Variants in KCTD8 observed in about 807,000 individuals in gnomAD.
The protein encoded by KCTD8 is BTB/POZ domain-containing protein KCTD8.
A neutral mutation model predicts 31.5 loss-of-function variants in KCTD8; 27 were observed. The ratio of observed to expected loss-of-function variants is 0.86; its 90% CI spans 0.63 to 1.18. The LOEUF (loss-of-function observed/expected upper bound fraction) is 1.18. Ranked by LOEUF, KCTD8 falls within the 50% of genes most tolerant of loss-of-function variation. The pLI is 0.00. For synonymous variants in KCTD8, 290 were observed against 280.0 expected (o/e 1.04, Z -0.36); for missense variants, 658 against 647.7 (o/e 1.02, Z -0.17).
At chr4:44,442,519 G>A (rs1000838321) in intron 1 of KCTD8, among the ~76,000 whole-genome samples, 4 of 152,146 alleles carry the variant, frequency 2.6e-5, no homozygotes, top group South Asian at 2.1e-4. Flanking sequence ...CCTGGGAGGC[G>A]GAGGTTGCAG....
chr4:44,382,623 AG>A (rs1720099122), intron 1 of KCTD8, among the ~76,000 whole-genome samples: 2 of 151,872 alleles, frequency 1.3e-5, no homozygotes, highest in East Asian at 3.9e-4. Context: ...CCAGCTACTC[AG>A]AAGGCTGAGG....
intron 1 of KCTD8, among the ~76,000 whole-genome samples, chr4:44,375,435 C>T (rs537646476): frequency 6.6e-6 from 1 of 152,190 alleles, no homozygotes; most frequent in South Asian, 2.1e-4. Flanking sequence ...AAACAACAGT[C>T]AATGAGTCAG....
chr4:44,244,459 C>A (rs1715594047), intron 1 of KCTD8, among the ~76,000 whole-genome samples: 1 of 152,136 alleles, frequency 6.6e-6, no homozygotes, highest in Non-Finnish European at 1.5e-5. Context: ...TAACATTCTC[C>A]TGCCCTCCTG....
At chr4:44,362,227 G>C (rs570430489) in intron 1 of KCTD8, among the ~76,000 whole-genome samples, 1 of 152,254 alleles carries the variant, frequency 6.6e-6, no homozygotes, top group South Asian at 2.1e-4. Flanking sequence ...CAGGTTGTCT[G>C]AGACCAAATT....
At chr4:44,248,896 A>T (rs992822618) in intron 1 of KCTD8, among the ~76,000 whole-genome samples, 5 of 151,858 alleles carry the variant, frequency 3.3e-5, no homozygotes, top group Non-Finnish European at 5.9e-5. Flanking sequence ...AGTGAGAAAT[A>T]ACAAAAACAA....
chr4:44,321,255 C>T (rs1335077369), intron 1 of KCTD8, among the ~76,000 whole-genome samples: 1 of 152,128 alleles, frequency 6.6e-6, no homozygotes, highest in Non-Finnish European at 1.5e-5. Context: ...TATTTTTGTG[C>T]ACTATTGTCC....
chr4:44,329,219 T>C (rs1040002163), intron 1 of KCTD8, among the ~76,000 whole-genome samples: 3 of 151,728 alleles, frequency 2.0e-5, no homozygotes, highest in Non-Finnish European at 2.9e-5. Flanking sequence ...TCTTGAAATC[T>C]GTTATATTTA....
intron 1 of KCTD8, among the ~76,000 whole-genome samples, chr4:44,274,922 C>A (rs1218345547): frequency 1.3e-5 from 2 of 151,854 alleles, no homozygotes; most frequent in Non-Finnish European, 2.9e-5. Flanking sequence ...ATTAATGCTG[C>A]TTTATCATTC....
intron 1 of KCTD8, among the ~76,000 whole-genome samples, chr4:44,299,753 T>G (rs1002398655): frequency 1.4e-5 from 2 of 145,654 alleles, no homozygotes; most frequent in South Asian, 2.2e-4. Context: ...GTGCCTTAGG[T>G]GATTTTTTTT....
intron 1 of KCTD8, among the ~76,000 whole-genome samples, chr4:44,265,272 C>G (rs1716310198): frequency 6.6e-6 from 1 of 152,114 alleles, no homozygotes; most frequent in Non-Finnish European, 1.5e-5. Flanking sequence ...TGCTGACACC[C>G]AGGCAAACAG....
chr4:44,307,815 T>C (rs1298607793), intron 1 of KCTD8, among the ~76,000 whole-genome samples: 1 of 151,922 alleles, frequency 6.6e-6, no homozygotes, highest in Admixed American at 6.6e-5. Flanking sequence ...TTCCGCAAAA[T>C]GCATGAATAG....
chr4:44,258,800 G>C (rs182328258), intron 1 of KCTD8, among the ~76,000 whole-genome samples: 1 of 151,902 alleles, frequency 6.6e-6, no homozygotes, highest in East Asian at 1.9e-4. Context: ...TAAAATGGGG[G>C]CTCTCAGGCT....
chr4:44,391,294 A>T (rs1329391301), intron 1 of KCTD8, among the ~76,000 whole-genome samples: 2 of 151,896 alleles, frequency 1.3e-5, no homozygotes, highest in Admixed American at 1.3e-4. Context: ...AATGTAACCA[A>T]ATACCACTTG....
chr4:44,263,304 C>G (rs17599458), intron 1 of KCTD8, among the ~76,000 whole-genome samples: 39,047 of 151,934 alleles, frequency 0.26, 5,283 homozygotes, highest in East Asian at 0.39. Context: ...ACTGGTTACA[C>G]AAACCATGAT....
intron 1 of KCTD8, among the ~76,000 whole-genome samples, chr4:44,369,271 G>A (rs932472721): frequency 1.3e-5 from 2 of 152,010 alleles, no homozygotes; most frequent in African/African-American, 2.4e-5. Flanking sequence ...TCATGGTTAG[G>A]GTTCTAGAAA....
At chr4:44,359,239 TG>T in intron 1 of KCTD8, among the ~76,000 whole-genome samples, 1 of 152,260 alleles carries the variant, frequency 6.6e-6, no homozygotes, top group Non-Finnish European at 1.5e-5. Context: ...CCTTTGCCCA[TG>T]CCTATGTCCT....
chr4:44,425,436 T>C (rs996076080), intron 1 of KCTD8, among the ~76,000 whole-genome samples: 4 of 152,030 alleles, frequency 2.6e-5, no homozygotes, highest in Non-Finnish European at 5.9e-5. Context: ...ACTTTTTCAT[T>C]TAATAAAAAT....
chr4:44,317,949 G>A (rs1430240215), intron 1 of KCTD8, among the ~76,000 whole-genome samples: 1 of 152,162 alleles, frequency 6.6e-6, no homozygotes, highest in Non-Finnish European at 1.5e-5. Context: ...AACAGGAATG[G>A]AATGCATCTC....
intron 1 of KCTD8, among the ~76,000 whole-genome samples, chr4:44,330,259 T>C (rs925015987): frequency 6.6e-6 from 1 of 151,930 alleles, no homozygotes; most frequent in African/African-American, 2.4e-5. Context: ...GATATCGCAC[T>C]TAATGAAAAT....
Sources: allele counts gnomAD v4.1 joint callset (sites outside exome capture counted in the v4.1 genomes callset), GRCh38; gene constraint gnomAD v4.1.1; transcripts MANE v1.5; gene names NCBI Gene and HGNC (gene_info 2026-07-23, HGNC 2026-07-21).